Variants in KIF5C observed in about 807,000 individuals in gnomAD.
KIF5C encodes kinesin family member 5C.
KIF5C carries 18 observed loss-of-function variants against 125.2 expected under a neutral mutation model. The ratio of observed to expected loss-of-function variants is 0.14; its 90% CI spans 0.10 to 0.21. The LOEUF is 0.21. KIF5C is among the 10% of genes least tolerant of loss of function. The pLI is 1.00. For missense variants in KIF5C, 780 were observed against 1,183.8 expected (o/e 0.66, Z 5.01); for synonymous variants, 405 against 434.0 (o/e 0.93, Z 0.83).
intron 11 of KIF5C, among the ~76,000 whole-genome samples, chr2:148,972,678 G>A (rs1473097968): frequency 6.6e-6 from 1 of 152,202 alleles, no homozygotes; most frequent in Admixed American, 6.5e-5. Flanking sequence ...TCTTTCCTAA[G>A]ACTACCTGAT....
intron 3 of KIF5C, among the ~76,000 whole-genome samples, chr2:148,929,633 C>A (rs186601479): frequency 1.4e-3 from 212 of 152,314 alleles, no homozygotes; most frequent in Non-Finnish European, 2.6e-3. Flanking sequence ...GTGTGAACAT[C>A]ATTCTGGACT....
At chr2:148,885,287 A>G (rs11894928) in intron 1 of KIF5C, among the ~76,000 whole-genome samples, 55,901 of 152,002 alleles carry the variant, frequency 0.37, 10,885 homozygotes, top group African/African-American at 0.49. Context: ...TGCCCGGCCC[A>G]GTCATATCCC....
intron 14 of KIF5C, among the ~76,000 whole-genome samples, chr2:148,983,266 C>A (rs928765447): frequency 6.6e-6 from 1 of 152,106 alleles, no homozygotes; most frequent in Admixed American, 6.5e-5. Flanking sequence ...TAAGTTTAGA[C>A]CCTGAAATGA....
At chr2:148,997,054 G>A (rs748782447) in intron 17 of KIF5C, among the ~76,000 whole-genome samples, 32 of 152,190 alleles carry the variant, frequency 2.1e-4, no homozygotes, top group African/African-American at 7.5e-4. Context: ...CAGTTGTCGC[G>A]CTCCCCCGTG....
chr2:148,880,931 T>A (rs1681330598), intron 1 of KIF5C, among the ~76,000 whole-genome samples: 1 of 150,514 alleles, frequency 6.6e-6, no homozygotes, highest in Non-Finnish European at 1.5e-5. Flanking sequence ...CGAGTGTAGA[T>A]TCACTAGCTA....
At chr2:148,992,989 A>G (rs1681566546) in intron 16 of KIF5C, among the ~76,000 whole-genome samples, 1 of 152,156 alleles carries the variant, frequency 6.6e-6, no homozygotes, top group Non-Finnish European at 1.5e-5. Flanking sequence ...AGCTGGACAT[A>G]CCAGCTCCAT....
intron 13 of KIF5C, among the ~76,000 whole-genome samples, chr2:148,980,901 G>T (rs185260668): frequency 2.5e-3 from 374 of 151,954 alleles, no homozygotes; most frequent in Middle Eastern, 3.4e-3. Flanking sequence ...GTAGAGATGG[G>T]GTTTTGCCAT....
rs190942504 is a variant in KIF5C at position 149,006,144 on chromosome 2, G to A, written c.2445+680G>A. ...CCCAAACAGCTTGCAGAGGTTTAAG[G>A]AAGGAGTCTGTTTAAGAAAAGTGGG... On this transcript the variant is annotated intron_variant, in intron 22 of 25. Coordinates refer to ENST00000435030, the MANE Select transcript of KIF5C (RefSeq NM_004522.3). Among the ~76,000 whole-genome samples the A allele has an allele frequency of 3.1e-4, 47 of 152,322 alleles. 1 individual carries two copies. Among genetic ancestry groups the A allele is most frequent in the Admixed American group, 3.0e-3 (46 of 15,304 alleles).
At chr2:148,940,124 C>T (rs1219809487) in intron 4 of KIF5C, among the ~76,000 whole-genome samples, 2 of 152,128 alleles carry the variant, frequency 1.3e-5, no homozygotes, top group Non-Finnish European at 2.9e-5. Flanking sequence ...TCTTAATGAA[C>T]ATCAGACAAT....
Position 149,021,144 on chromosome 2 carries a change from C to G in KIF5C, c.*8-1934C>G, listed in dbSNP as rs1458254397. On this transcript the variant is annotated intron_variant, in intron 25 of 25. Transcript: ENST00000435030. The stretch of plus-strand genomic sequence containing the variant: ...GCAGCATGATCTCGGCTCACTGCAA[C>G]CTCTGCTTCCCAGGTTCAAGCGATT... Among the ~76,000 whole-genome samples, 3 of 152,292 alleles carry G rather than the reference C, an allele frequency of 2.0e-5. No individual in the cohort carries two copies. In the East Asian group the frequency reaches 5.8e-4, roughly 29 times the overall value.
At position 149,013,066 on chromosome 2, in the gene KIF5C, CT is replaced by C. The variant is rs577603909; in HGVS notation, c.*7+1388del. Among the ~76,000 whole-genome samples the C allele has an allele frequency of 1.0e-3, 154 of 152,288 alleles. 1 individual carries two copies. The highest frequency in any genetic ancestry group is 3.5e-3 in the African/African-American group (147 of 41,564). On this transcript the variant is annotated intron_variant, in intron 25 of 25. Coordinates refer to ENST00000435030, the MANE Select transcript of KIF5C (RefSeq NM_004522.3). ...GAGGAAGGGCCTGGGCTTTGTTTGT[CT>C]TTTTAACCAAGTACTCCAGGTGATT...
At chr2:148,977,077 A>G (rs898431316) in intron 12 of KIF5C, among the ~76,000 whole-genome samples, 6 of 152,258 alleles carry the variant, frequency 3.9e-5, no homozygotes, top group Admixed American at 1.3e-4. Context: ...CTTTAAAAAA[A>G]ATCACAGTAG....
intron 3 of KIF5C, among the ~76,000 whole-genome samples, chr2:148,934,529 A>AT (rs1682249833): frequency 6.7e-6 from 1 of 149,940 alleles, no homozygotes; most frequent in East Asian, 2.0e-4. Context: ...GAACCCACAT[A>AT]TATCACACAC....
intron 8 of KIF5C, chr2:148,947,500 A>G (rs750168644): frequency 5.7e-5 from 11 of 193,692 alleles, no homozygotes; most frequent in Non-Finnish European, 1.1e-4. Flanking sequence ...TGGTTCTCCC[A>G]GCAGTAGGCA....
intron 17 of KIF5C, 58 bp from the exon 18 acceptor site, chr2:148,997,206 C>T (rs1254080489): frequency 1.3e-6 from 2 of 1,563,030 alleles, no homozygotes; most frequent in African/African-American, 2.7e-5. Context: ...TTAATTTTTG[C>T]TTTTGGGTGT....
At chr2:148,957,572 T>A (rs1682821846) in intron 10 of KIF5C, among the ~76,000 whole-genome samples, 7 of 122,728 alleles carry the variant, frequency 5.7e-5, no homozygotes, top group African/African-American at 1.3e-4. Flanking sequence ...ACATCCTAGA[T>A]AGGAGAATGT....
At chr2:148,885,325 A>C (rs2105039773) in intron 1 of KIF5C, among the ~76,000 whole-genome samples, 1 of 152,272 alleles carries the variant, frequency 6.6e-6, no homozygotes. Context: ...CACCAGTGCC[A>C]GTGTGTCAGG....
intron 1 of KIF5C, among the ~76,000 whole-genome samples, chr2:148,889,636 G>A (rs12616265): frequency 0.19 from 29,138 of 152,206 alleles, 3,300 homozygotes; most frequent in East Asian, 0.36. Context: ...ATGGGGATCC[G>A]TTTCACTTAG....
chr2:148,961,727 C>G (rs906505904), intron 10 of KIF5C, among the ~76,000 whole-genome samples: 1 of 151,968 alleles, frequency 6.6e-6, no homozygotes, highest in African/African-American at 2.4e-5. Flanking sequence ...TGAGACAATT[C>G]GAATAAATGT....
Sources: allele counts gnomAD v4.1 joint callset (sites outside exome capture counted in the v4.1 genomes callset), GRCh38; gene constraint gnomAD v4.1.1; transcripts MANE v1.5; gene names NCBI Gene and HGNC (gene_info 2026-07-23, HGNC 2026-07-21).